The following RIMS2 variants were observed in gnomAD, a reference collection of about 807,000 sequenced individuals.
RIMS2 encodes regulating synaptic membrane exocytosis protein 2.
In RIMS2, 59 loss-of-function variants were observed where a neutral mutation model predicts 174.4. That is an observed-to-expected ratio of 0.34 (90% confidence interval 0.27 to 0.42). The LOEUF (loss-of-function observed/expected upper bound fraction) is 0.42. RIMS2 is among the 10% of genes least tolerant of loss of function. RIMS2 has a pLI of 1.00. For synonymous variants in RIMS2, 606 were observed against 572.5 expected, an observed-to-expected ratio of 1.06 and a Z score of -0.84; for missense variants, 1,620 against 1,666.3, an observed-to-expected ratio of 0.97 and a Z score of 0.48.
chr8:103,548,386 C>T (rs922886123), intron 1 of RIMS2, among the ~76,000 whole-genome samples: 1 of 152,118 alleles, frequency 6.6e-6, no homozygotes, highest in Non-Finnish European at 1.5e-5. Flanking sequence ...TGTGATTCAC[C>T]ACATAAACAG....
intron 19 of RIMS2, among the ~76,000 whole-genome samples, chr8:104,126,124 C>T (rs975230973): frequency 8.6e-5 from 13 of 151,970 alleles, no homozygotes; most frequent in African/African-American, 1.7e-4. Flanking sequence ...TGGAAGAAAC[C>T]GGTTTTATGT....
intron 19 of RIMS2, among the ~76,000 whole-genome samples, chr8:104,088,127 T>G (rs971375094): frequency 1.3e-5 from 2 of 152,092 alleles, no homozygotes; most frequent in East Asian, 3.8e-4. Context: ...TTTTATTTAT[T>G]TTTTATACAA....
At chr8:103,709,080 A>G (rs2097268915) in intron 2 of RIMS2, among the ~76,000 whole-genome samples, 1 of 152,004 alleles carries the variant, frequency 6.6e-6, no homozygotes, top group Non-Finnish European at 1.5e-5. Flanking sequence ...AATTCAGTGT[A>G]TTTTTTAATA....
intron 4 of RIMS2, among the ~76,000 whole-genome samples, chr8:103,906,216 T>C (rs912101067): frequency 2.0e-5 from 3 of 152,150 alleles, no homozygotes; most frequent in African/African-American, 2.4e-5. Context: ...TTAGTACTTA[T>C]ACATGACAGT....
chr8:104,163,578 T>C (rs1265697019), intron 19 of RIMS2, among the ~76,000 whole-genome samples: 2 of 152,236 alleles, frequency 1.3e-5, no homozygotes, highest in African/African-American at 4.8e-5. Context: ...GATCTGAATT[T>C]GTATACTGTG....
intron 17 of RIMS2, among the ~76,000 whole-genome samples, chr8:104,003,708 C>G (rs2095473832): frequency 6.6e-6 from 1 of 152,152 alleles, no homozygotes; most frequent in African/African-American, 2.4e-5. Context: ...GCCACCATTC[C>G]TAGCCTGAAG....
intron 20 of RIMS2, among the ~76,000 whole-genome samples, chr8:104,247,011 C>T (rs150143558): frequency 3.8e-3 from 570 of 151,846 alleles, no homozygotes; most frequent in African/African-American, 0.013. Flanking sequence ...GGGCAAGGGG[C>T]CAGGACAGCA....
At chr8:103,735,347 T>G (rs781400817) in intron 2 of RIMS2, among the ~76,000 whole-genome samples, 5 of 152,182 alleles carry the variant, frequency 3.3e-5, no homozygotes, top group Non-Finnish European at 5.9e-5. Context: ...AACAGACAAA[T>G]GTCAATGAAA....
intron 19 of RIMS2, among the ~76,000 whole-genome samples, chr8:104,071,645 C>G (rs1344863291): frequency 6.6e-6 from 1 of 152,098 alleles, no homozygotes; most frequent in Non-Finnish European, 1.5e-5. Flanking sequence ...ACCGTGTTAG[C>G]CAGGATGGTC....
chr8:104,135,455 A>C (rs564447129), intron 19 of RIMS2, among the ~76,000 whole-genome samples: 1 of 151,852 alleles, frequency 6.6e-6, no homozygotes, highest in Non-Finnish European at 1.5e-5. Flanking sequence ...AAATAGAAAA[A>C]ATTAGTCAGG....
chr8:103,856,537 T>G (rs936217070), intron 3 of RIMS2, among the ~76,000 whole-genome samples: 1 of 152,226 alleles, frequency 6.6e-6, no homozygotes, highest in Non-Finnish European at 1.5e-5. Flanking sequence ...TGTAACTGAT[T>G]AATTTGTCAA....
chr8:103,800,853 T>C (rs1276076120), intron 3 of RIMS2, among the ~76,000 whole-genome samples: 1 of 152,222 alleles, frequency 6.6e-6, no homozygotes, highest in Non-Finnish European at 1.5e-5. Flanking sequence ...AGTTAGGAAA[T>C]GATCTTCTAT....
chr8:103,725,265 G>A (rs1380382764), intron 2 of RIMS2, among the ~76,000 whole-genome samples: 8 of 152,090 alleles, frequency 5.3e-5, no homozygotes, highest in African/African-American at 1.9e-4. Flanking sequence ...AAGATGCACA[G>A]AATTTAAGTA....
At chr8:103,931,375 A>G in exon 12 of RIMS2, 3 of 1,597,858 alleles carry the variant, frequency 1.9e-6, no homozygotes, top group Non-Finnish European at 2.6e-6. Context: ...GTTAAAATTT[A>G]CTTTCTTCCA....
chr8:103,886,269 G>A (rs1044069691), intron 4 of RIMS2, 46 bp downstream of exon 7: 7 of 1,459,332 alleles, frequency 4.8e-6, no homozygotes, highest in East Asian at 2.7e-5. Context: ...TTAGATAAGC[G>A]TTTTTTTTAA....
chr8:104,223,905 C>A, intron 19 of RIMS2: 2 of 818,326 alleles, frequency 2.4e-6, no homozygotes, highest in Non-Finnish European at 1.9e-6. Context: ...AGCCCCTCTG[C>A]TCTCCGGGAC....
chr8:103,535,486 CATT>C (rs1275272724), intron 1 of RIMS2, among the ~76,000 whole-genome samples: 2 of 152,250 alleles, frequency 1.3e-5, no homozygotes, highest in Admixed American at 1.3e-4. Context: ...TGTGTAGCCC[CATT>C]ATTGAGTCGA....
intron 3 of RIMS2, among the ~76,000 whole-genome samples, chr8:103,800,862 A>G (rs578015179): frequency 2.6e-5 from 4 of 152,296 alleles, no homozygotes; most frequent in Admixed American, 2.0e-4. Flanking sequence ...ATGATCTTCT[A>G]TCTTCAATTT....
intron 3 of RIMS2, among the ~76,000 whole-genome samples, chr8:103,814,870 A>T (rs1444484936): frequency 6.6e-6 from 1 of 152,166 alleles, no homozygotes; most frequent in Non-Finnish European, 1.5e-5. Context: ...ATCTATACTG[A>T]TATAGAAGGG....
Sources: allele counts gnomAD v4.1 joint callset (sites outside exome capture counted in the v4.1 genomes callset), GRCh38; gene constraint gnomAD v4.1.1; transcripts MANE v1.5; gene names NCBI Gene and HGNC (gene_info 2026-07-23, HGNC 2026-07-21).